The following PRKAA2 variants were observed in gnomAD, a reference collection of about 807,000 sequenced individuals.
PRKAA2 encodes the protein 5'-AMP-activated protein kinase catalytic subunit alpha-2.
Under a neutral mutation model 56.3 loss-of-function variants are expected in PRKAA2, and 40 were observed. The observed-to-expected ratio is 0.71, with a 90% CI of 0.55 to 0.92. The LOEUF is 0.92. Ranked by LOEUF, PRKAA2 falls within the 40% of genes least tolerant of loss-of-function variation. The pLI, the probability that PRKAA2 is intolerant of heterozygous loss-of-function variation, is 0.00. For synonymous variants in PRKAA2, 214 were observed against 234.2 expected (o/e 0.91, Z 0.79); for missense variants, 542 against 686.9 (o/e 0.79, Z 2.36).
rs752842791 is a variant in PRKAA2 at position 56,697,012 on chromosome 1, A to ATTTTT, written c.788+864_788+868dup. ...CCTTTTCATCATTAGCCAGCAAAGA[A>ATTTTT]TTTTTTTTTTTTTTTAAGGCAGGGT... On this transcript the variant is annotated intron_variant, in intron 6 of 8. Coordinates refer to ENST00000371244, the MANE Select transcript of PRKAA2 (RefSeq NM_006252.4). Among the ~76,000 whole-genome samples, 42 of 57,886 alleles carry ATTTTT rather than the reference A, an allele frequency of 7.3e-4. 7 individuals are homozygous for ATTTTT. Among genetic ancestry groups the ATTTTT allele is most frequent in the Middle Eastern group, 0.019 (1 of 54 alleles). 38.0% of individuals were successfully genotyped at this position (57,886 alleles called of 152,430 possible).
chr1:56,680,232 C>T (rs984539286), intron 2 of PRKAA2, among the ~76,000 whole-genome samples: 1 of 152,090 alleles, frequency 6.6e-6, no homozygotes, highest in Admixed American at 6.5e-5. Flanking sequence ...TCTTTGCTCT[C>T]AAAGCACTCA....
chr1:56,694,515 T>C (rs1323928208), intron 5 of PRKAA2, among the ~76,000 whole-genome samples: 1 of 152,132 alleles, frequency 6.6e-6, no homozygotes, highest in East Asian at 1.9e-4. Flanking sequence ...ACAATAAAGG[T>C]GATAGCTTAT....
At chr1:56,697,685 G>A (rs1378198818) in intron 6 of PRKAA2, among the ~76,000 whole-genome samples, 3 of 152,080 alleles carry the variant, frequency 2.0e-5, no homozygotes, top group Non-Finnish European at 4.4e-5. Flanking sequence ...GTAATAGGCT[G>A]GGGGCAGTGT....
intron 6 of PRKAA2, among the ~76,000 whole-genome samples, chr1:56,698,470 T>G (rs1338275788): frequency 2.0e-5 from 3 of 152,200 alleles, no homozygotes; most frequent in African/African-American, 7.2e-5. Flanking sequence ...AATTATTAAT[T>G]CATAGCAAAA....
chr1:56,690,187 G>A (rs369403960), intron 2 of PRKAA2, among the ~76,000 whole-genome samples: 10 of 145,776 alleles, frequency 6.9e-5, no homozygotes, highest in South Asian at 4.3e-4. Flanking sequence ...TTTTTGAAGC[G>A]GAGTCTCGCT....
At position 56,696,163 on chromosome 1, in the gene PRKAA2, A is replaced by G. The variant is rs1644258100; in HGVS notation, c.788+4A>G. 1 of 1,602,258 alleles carries G rather than the reference A, an allele frequency of 6.2e-7. No homozygotes were observed. Among genetic ancestry groups the G allele is most frequent in the African/African-American group, 1.3e-5 (1 of 74,294 alleles). Reference sequence around the variant, plus strand: ...GAGCAACTATCAAAGACATAAGGTGATTTTTCTTTTTGTTTCTGTTCTGCA... The same window carrying G: ...GAGCAACTATCAAAGACATAAGGTGGTTTTTCTTTTTGTTTCTGTTCTGCA... On this transcript the variant is annotated splice_donor_region_variant and intron_variant, in intron 6 of 8. Coordinates refer to ENST00000371244, the MANE Select transcript of PRKAA2 (RefSeq NM_006252.4).
At chr1:56,670,352 G>T (rs1012950087) in intron 1 of PRKAA2, among the ~76,000 whole-genome samples, 1 of 152,180 alleles carries the variant, frequency 6.6e-6, no homozygotes, top group Non-Finnish European at 1.5e-5. Context: ...TGTTATGTCT[G>T]ATGGTGTCAA....
At chr1:56,690,474 C>T (rs2100422589) in intron 2 of PRKAA2, among the ~76,000 whole-genome samples, 1 of 152,170 alleles carries the variant, frequency 6.6e-6, no homozygotes, top group East Asian at 1.9e-4. Context: ...CGGCCTATCA[C>T]ATCTTAATTA....
chr1:56,705,959 A>G, intron 7 of PRKAA2, 133 bp from the exon 8 acceptor site: 1 of 710,552 alleles, frequency 1.4e-6, no homozygotes, highest in Non-Finnish European at 2.3e-6. Flanking sequence ...TACTAAAGTG[A>G]ACTACCAGTA....
intron 1 of PRKAA2, among the ~76,000 whole-genome samples, chr1:56,647,976 G>T (rs1284430662): frequency 1.3e-5 from 2 of 150,422 alleles, no homozygotes; most frequent in Non-Finnish European, 3.0e-5. Flanking sequence ...GTTGCAGTGA[G>T]CCAAGATTGC....
chr1:56,683,933 T>A (rs1190698035), intron 2 of PRKAA2, among the ~76,000 whole-genome samples: 1 of 152,172 alleles, frequency 6.6e-6, no homozygotes, highest in Non-Finnish European at 1.5e-5. Flanking sequence ...TGATGTGATC[T>A]GACTTACATT....
chr1:56,683,665 T>C (rs1644171771), intron 2 of PRKAA2, among the ~76,000 whole-genome samples: 1 of 152,114 alleles, frequency 6.6e-6, no homozygotes, highest in Non-Finnish European at 1.5e-5. Context: ...TTATATGTCA[T>C]ATGTTAGACA....
At chr1:56,671,765 G>A (rs1282169516) in intron 1 of PRKAA2, among the ~76,000 whole-genome samples, 1 of 152,160 alleles carries the variant, frequency 6.6e-6, no homozygotes, top group African/African-American at 2.4e-5. Context: ...CAGATGTTAT[G>A]CCATCACTTA....
intron 8 of PRKAA2, 130 bp downstream of exon 8, chr1:56,706,348 C>A: frequency 3.0e-6 from 3 of 988,292 alleles, no homozygotes; most frequent in Non-Finnish European, 4.3e-6. Context: ...TAGACTTAAC[C>A]AAAATGTAAG....
chr1:56,695,146 T>C (rs1644250064), intron 5 of PRKAA2, among the ~76,000 whole-genome samples: 2 of 146,358 alleles, frequency 1.4e-5, no homozygotes, highest in Non-Finnish European at 3.0e-5. Flanking sequence ...AGTACTTTAA[T>C]GTTTTAAATA....
chr1:56,704,511 A>C, intron 7 of PRKAA2, 36 bp downstream of exon 7: 1 of 1,535,566 alleles, frequency 6.5e-7, no homozygotes, highest in Non-Finnish European at 8.7e-7. Flanking sequence ...CATTTGTAGA[A>C]GCCATTTTTC....
At chr1:56,655,967 G>T (rs1476439864) in intron 1 of PRKAA2, among the ~76,000 whole-genome samples, 1 of 152,108 alleles carries the variant, frequency 6.6e-6, no homozygotes, top group Non-Finnish European at 1.5e-5. Context: ...AATAGAAACA[G>T]GTTTGTAGGG....
chr1:56,697,175 A>T (rs1013565616), intron 6 of PRKAA2, among the ~76,000 whole-genome samples: 1 of 151,280 alleles, frequency 6.6e-6, no homozygotes, highest in Non-Finnish European at 1.5e-5. Flanking sequence ...CACCACACCC[A>T]GCTAATTTTT....
chr1:56,684,617 A>T (rs1364582261), intron 2 of PRKAA2, among the ~76,000 whole-genome samples: 1 of 152,188 alleles, frequency 6.6e-6, no homozygotes, highest in Non-Finnish European at 1.5e-5. Context: ...TTTAGGAAAG[A>T]TCACCAACTG....
Sources: allele counts gnomAD v4.1 joint callset (sites outside exome capture counted in the v4.1 genomes callset), GRCh38; gene constraint gnomAD v4.1.1; transcripts MANE v1.5; gene names NCBI Gene and HGNC (gene_info 2026-07-23, HGNC 2026-07-21).